Variants in ERN2 observed in about 807,000 individuals in gnomAD.
ERN2 encodes the protein serine/threonine-protein kinase/endoribonuclease IRE2.
In ERN2, 111 loss-of-function variants were observed where a neutral mutation model predicts 107.9. That is an observed-to-expected ratio of 1.03 (90% CI 0.88 to 1.20). ERN2 has a LOEUF of 1.20. ERN2 is among the 50% of genes most tolerant of loss of function. The pLI, the probability that ERN2 is intolerant of heterozygous loss-of-function variation, is 0.00. For missense variants in ERN2, 1,225 were observed against 1,197.9 expected, an observed-to-expected ratio of 1.02 and a Z score of -0.33; for synonymous variants, 524 against 501.7, an observed-to-expected ratio of 1.04 and a Z score of -0.59.
intron 2 of ERN2, 110 bp from the exon 3 acceptor site, chr16:23,710,659 G>A: frequency 7.9e-7 from 1 of 1,266,386 alleles, no homozygotes; most frequent in East Asian, 2.3e-5. Context: ...CACTTGGTGT[G>A]AATGTAATGC....
At chr16:23,710,625 C>T in intron 2 of ERN2, 76 bp from the exon 3 acceptor site, 2 of 1,517,730 alleles carry the variant, frequency 1.3e-6, no homozygotes, top group Non-Finnish European at 1.8e-6. Flanking sequence ...ATTCACTGAG[C>T]TATGGCATGA....
chr16:23,712,933 C>G, intron 1 of ERN2, 162 bp downstream of exon 1: 1 of 570,658 alleles, frequency 1.8e-6, no homozygotes. Flanking sequence ...CTCCCCAAAC[C>G]CAGGAGGCTT....
intron 8 of ERN2, 139 bp from the exon 9 acceptor site, chr16:23,702,841 C>A (rs1194537214): frequency 1.4e-6 from 1 of 738,524 alleles, no homozygotes; most frequent in Non-Finnish European, 2.3e-6. Flanking sequence ...ATCAATTAGA[C>A]AACAGCAAAT....
At position 23,694,924 on chromosome 16, in the gene ERN2, T is replaced by G. The variant is rs181236060; in HGVS notation, c.1904A>C (p.His635Pro). The change falls in exon 17 of 22, where the codon CAC (histidine) becomes CCC (proline). Residue 635 changes from histidine (H) to proline (P), a missense_variant. Coordinates refer to ENST00000256797, the MANE Select transcript of ERN2 (RefSeq NM_033266.4). ...AATATTTCCTGGCTTCAGGTCCCGG[T>G]GCACTGTGGGAGAGGGGCAGAAAGA... ...LAHLHSLHIV[H>P]RDLKPGNILI... The G allele has an allele frequency of 2.5e-6, 4 of 1,614,090 alleles. No individual in the cohort carries two copies.
In ERN2 at chr16:23,702,492, C is replaced by T. The variant is rs267604472; in HGVS notation, c.979G>A (p.Glu327Lys). 4.3e-6 allele frequency: 7 copies of T among 1,613,690 alleles called. No homozygotes were observed. The highest frequency in any genetic ancestry group is 2.7e-5 in the African/African-American group (2 of 74,926). Residue 327 changes from glutamate (E) to lysine (K), a missense_variant, in exon 10 of 22, where the codon GAG (glutamate) becomes AAG (lysine). Coordinates refer to ENST00000256797, the MANE Select transcript of ERN2 (RefSeq NM_033266.4). ...LAPADGPTTD[E>K]VTLQVSGERE... ...TCTCCTGAGACTTGGAGTGTCACCT[C>T]ATCTGTGGTGGGGCCATCTGCGGGG...
At position 23,706,856 on chromosome 16, in the gene ERN2, T is replaced by C; in HGVS notation, c.385A>G (p.Lys129Glu). The change falls in exon 6 of 22, where the codon AAG becomes GAG. Residue 129 changes from lysine (K) to glutamate (E), a missense_variant. Transcript: ENST00000256797. The part of the protein sequence containing the change: ...SSDGVFYTGR[K>E]QDAWFVVDPE... ...TCCACCACAAACCAGGCATCCTGCT[T>C]CCGGCCTGTGGAGGTGGAAAGTGTG... The C allele has an allele frequency of 6.2e-7, 1 of 1,613,496 alleles. No homozygotes were observed. The highest frequency in any genetic ancestry group is 8.5e-7 in the Non-Finnish European group (1 of 1,179,478).
chr16:23,711,418 A>C (rs1025094198), intron 1 of ERN2, among the ~76,000 whole-genome samples: 1 of 152,152 alleles, frequency 6.6e-6, no homozygotes, highest in Non-Finnish European at 1.5e-5. Context: ...ATGAAGTGGC[A>C]TAGTCATAGC....
rs776467247 is a variant in ERN2 at position 23,702,446 on chromosome 16, G to C, written c.1025C>G (p.Thr342Ser). The change falls in exon 10 of 22, where the codon ACT becomes AGT. Residue 342 changes from threonine to serine, a missense_variant. By Grantham distance (58) the Thr-to-Ser change is moderately conservative (BLOSUM62 1). Coordinates refer to ENST00000256797, the MANE Select transcript of ERN2 (RefSeq NM_033266.4). ...ACTGCCTGAGGGGTATCTAACAGCA[G>C]TGCTGGGTGAGCCCTCTCGCTCTCC... The part of the protein sequence containing the change: ...VSGEREGSPS[T>S]AVRYPSGSVA... 6.2e-7 allele frequency: 1 copy of C among 1,613,554 alleles called. No individual in the cohort carries two copies. Among genetic ancestry groups the C allele is most frequent in the South Asian group, 1.1e-5 (1 of 91,086 alleles).
At position 23,694,710 on chromosome 16, in the gene ERN2, C is replaced by T. The variant is rs1480333180; in HGVS notation, c.2100+18G>A. On this transcript the variant is annotated intron_variant, in intron 17 of 21. Coordinates refer to ENST00000256797, the MANE Select transcript of ERN2 (RefSeq NM_033266.4). ...CTGGGGCAGCTGTGTGCCTGGAGGACTTGGTGGATAGACTCACAGGACTGT... is the reference window on the plus strand; with the variant it reads ...CTGGGGCAGCTGTGTGCCTGGAGGATTTGGTGGATAGACTCACAGGACTGT... 3 of 1,584,454 alleles carry T rather than the reference C, an allele frequency of 1.9e-6. No homozygotes were observed. The highest frequency in any genetic ancestry group is 3.4e-5 in the Admixed American group (2 of 58,404).
chr16:23,690,844 G>A lies in ERN2; in HGVS notation c.2768C>T (p.Ala923Val), dbSNP rs750985679. Residue 923 changes from alanine (A) to valine (V), a missense_variant, in exon 22 of 22, where the codon GCC becomes GTC. Transcript: ENST00000256797. ...DSEARRPCPGATGR is the reference protein window; with the variant it reads ...DSEARRPCPGVTGR Reference sequence around the variant, plus strand: ...ATCCAGCCCACCTCACCTCCCTGTGGCCCCAGGGCATGGCCTCCTGGCCTC... The same window carrying A: ...ATCCAGCCCACCTCACCTCCCTGTGACCCCAGGGCATGGCCTCCTGGCCTC... 1.2e-6 allele frequency: 2 copies of A among 1,611,476 alleles called. No individual in the cohort carries two copies. The highest frequency in any genetic ancestry group is 1.7e-6 in the Non-Finnish European group (2 of 1,179,960).
At chr16:23,708,920 C>T (rs1414012865) in intron 4 of ERN2, among the ~76,000 whole-genome samples, 1 of 152,130 alleles carries the variant, frequency 6.6e-6, no homozygotes, top group Admixed American at 6.6e-5. Flanking sequence ...TTTATTATAA[C>T]AATGCAAGAA....
chr16:23,706,284 T>TCCA (rs1960303172), intron 7 of ERN2, 46 bp downstream of exon 7: 13 of 1,334,024 alleles, frequency 9.7e-6, no homozygotes, highest in Non-Finnish European at 1.3e-5. Flanking sequence ...GTTCCCTGGG[T>TCCA]TGGGGACCTT....
chr16:23,708,344 A>AT (rs1960406023), intron 4 of ERN2, among the ~76,000 whole-genome samples: 3 of 87,958 alleles, frequency 3.4e-5, no homozygotes, highest in African/African-American at 1.4e-4. Flanking sequence ...ATTTGGTGCT[A>AT]TTCTTTTTTT....
chr16:23,694,672 G>T, intron 17 of ERN2, 56 bp downstream of exon 17: 1 of 1,451,146 alleles, frequency 6.9e-7, no homozygotes, highest in Non-Finnish European at 9.3e-7. Flanking sequence ...GGACAGGGAC[G>T]GATTCCTGCA....
chr16:23,706,780 G>A lies in ERN2; in HGVS notation c.461C>T (p.Thr154Ile). ...TGTTCGGCCAATGTAGAGGCGGGGG[G>A]TGGAGGGACCCTCTGTGGTCAGTGT... ...QMTLTTEGPS[T>I]PRLYIGRTQY... Residue 154 changes from threonine to isoleucine, a missense_variant, in exon 6 of 22, where the codon ACC (threonine) becomes ATC (isoleucine). By Grantham distance (89) the Thr-to-Ile change is moderately conservative (BLOSUM62 -1). Transcript: ENST00000256797. 1.2e-6 allele frequency: 2 copies of A among 1,610,848 alleles called. No homozygotes were observed. The highest frequency in any genetic ancestry group is 1.7e-6 in the Non-Finnish European group (2 of 1,178,762).
rs1236875812 is a variant in ERN2, at chr16:23,690,509, C to A, written c.*322G>T. 2 of 473,318 alleles carry A rather than the reference C, an allele frequency of 4.2e-6. No homozygotes were observed. Among genetic ancestry groups the A allele is most frequent in the African/African-American group, 3.9e-5 (2 of 51,492 alleles). The allele number at this position is 473,318 out of a possible 1,614,324, so 29.3% of individuals were successfully genotyped here. On this transcript the variant is annotated 3_prime_UTR_variant, in exon 22 of 22. Transcript: ENST00000256797. Reference sequence around the variant, plus strand: ...TCTCTCTGTGGACCAGGCTGGAGTGCAGTGGCATGATCCTGGCTCACTGCA... The same window carrying A: ...TCTCTCTGTGGACCAGGCTGGAGTGAAGTGGCATGATCCTGGCTCACTGCA...
Position 23,695,201 on chromosome 16 carries a change from T to C in ERN2, c.1799A>G (p.Glu600Gly). 6.2e-7 allele frequency: 1 copy of C among 1,613,882 alleles called. No homozygotes were observed. The change falls in exon 15 of 22, where the codon GAG becomes GGG. Residue 600 changes from glutamate (E) to glycine (G), a missense_variant and splice_region_variant. Transcript: ENST00000256797. Reference sequence around the variant, plus strand: ...TCCCTGAACCGCAATGCAACTCACCTCCTGCAAGGAGGCCCGGCAGAGCTC... The same window carrying C: ...TCCCTGAACCGCAATGCAACTCACCCCCTGCAAGGAGGCCCGGCAGAGCTC... ...ALELCRASLQ[E>G]YVENPDLDRG...
intron 7 of ERN2, among the ~76,000 whole-genome samples, chr16:23,705,856 G>A (rs914901537): frequency 5.3e-5 from 8 of 152,156 alleles, no homozygotes; most frequent in African/African-American, 1.9e-4. Context: ...GGAGGCTACG[G>A]TAAGCTGTGA....
rs147100647 is a variant in ERN2, at chr16:23,702,742, G to T, written c.855-40C>A. 2.9e-4 allele frequency: 453 copies of T among 1,537,460 alleles called. 2 individuals are homozygous for T. In the African/African-American group the frequency reaches 5.3e-3, roughly 18 times the overall value. Reference sequence around the variant, plus strand: ...GAAAAAGAAGAGAAGAATGAATGCTGGTGATGGGTAGTTTCAGTTATCAAG... The same window carrying T: ...GAAAAAGAAGAGAAGAATGAATGCTTGTGATGGGTAGTTTCAGTTATCAAG... On this transcript the variant is annotated intron_variant, in intron 8 of 21. Coordinates refer to ENST00000256797, the MANE Select transcript of ERN2 (RefSeq NM_033266.4).
Sources: allele counts gnomAD v4.1 joint callset (sites outside exome capture counted in the v4.1 genomes callset), GRCh38; gene constraint gnomAD v4.1.1; transcripts MANE v1.5; gene names NCBI Gene and HGNC (gene_info 2026-07-23, HGNC 2026-07-21).